The following EPB41 variants were observed in gnomAD, a reference collection of about 807,000 sequenced individuals.
EPB41 encodes protein 4.1.
Under a neutral mutation model 108.0 loss-of-function variants are expected in EPB41, and 65 were observed. The observed-to-expected ratio is 0.60, with a 90% CI of 0.49 to 0.74. The LOEUF (loss-of-function observed/expected upper bound fraction) is 0.74. Among genes scored for constraint, EPB41 ranks in the 30% least tolerant of loss-of-function variants. The pLI, the probability that EPB41 is intolerant of heterozygous loss-of-function variation, is 0.00. For missense variants in EPB41, 875 were observed against 1,037.0 expected (o/e 0.84, Z 2.15); for synonymous variants, 336 against 358.9 (o/e 0.94, Z 0.72).
At chr1:29,088,293 C>T (rs548282732) in intron 16 of EPB41, among the ~76,000 whole-genome samples, 3 of 152,208 alleles carry the variant, frequency 2.0e-5, no homozygotes, top group South Asian at 2.1e-4. Flanking sequence ...GTGACCCACC[C>T]GCCTCGGCCT....
chr1:29,101,032 CT>C (rs1665175609), intron 17 of EPB41, among the ~76,000 whole-genome samples: 2 of 151,928 alleles, frequency 1.3e-5, no homozygotes, highest in African/African-American at 4.8e-5. Flanking sequence ...CAAGACCAGC[CT>C]GACCAACATG....
intron 7 of EPB41, among the ~76,000 whole-genome samples, chr1:29,025,361 TTC>T (rs1303457906): frequency 6.6e-6 from 1 of 151,988 alleles, no homozygotes; most frequent in Admixed American, 6.5e-5. Flanking sequence ...TTATTGTAAC[TTC>T]TCTTTTTAAT....
chr1:28,971,719 A>G (rs983562638), intron 1 of EPB41, among the ~76,000 whole-genome samples: 1 of 152,204 alleles, frequency 6.6e-6, no homozygotes, highest in African/African-American at 2.4e-5. Flanking sequence ...GAAAGAGCTA[A>G]TCATCACTAT....
intron 4 of EPB41, among the ~76,000 whole-genome samples, chr1:29,003,172 T>C (rs1173719385): frequency 6.6e-6 from 1 of 152,258 alleles, no homozygotes; most frequent in Non-Finnish European, 1.5e-5. Context: ...TCTCTAGAAG[T>C]ACACAGATAT....
chr1:28,992,301 AC>A (rs2096042942), intron 2 of EPB41, among the ~76,000 whole-genome samples: 1 of 152,196 alleles, frequency 6.6e-6, no homozygotes, highest in Non-Finnish European at 1.5e-5. Flanking sequence ...TCCAGCTGTT[AC>A]ACAAGGAAGT....
intron 1 of EPB41, among the ~76,000 whole-genome samples, chr1:28,915,481 C>G (rs1443442943): frequency 1.3e-5 from 2 of 151,982 alleles, no homozygotes; most frequent in African/African-American, 4.8e-5. Context: ...GGCCATTATT[C>G]CTGGGGAGGT....
chr1:29,062,326 T>C (rs968566148), intron 15 of EPB41, among the ~76,000 whole-genome samples: 2 of 152,214 alleles, frequency 1.3e-5, no homozygotes, highest in Non-Finnish European at 2.9e-5. Context: ...GTACCAATCA[T>C]ATATTTGTCA....
rs566131142 is a variant in EPB41, at chr1:28,928,817, A to C, written c.-8+14049A>C. Among the ~76,000 whole-genome samples the C allele has an allele frequency of 3.9e-5, 6 of 152,332 alleles. No individual in the cohort carries two copies. The South Asian group carries it at 1.2e-3, about 32-fold the overall frequency. ...TGTTAAAGGGGGTGTCCTTTGTAAC[A>C]TATAACATTAATTATAGAAGAACTA... On this transcript the variant is annotated intron_variant, in intron 1 of 20. Coordinates refer to ENST00000343067, the MANE Select transcript of EPB41 (RefSeq NM_001376013.1).
At chr1:28,914,287 G>C (rs1025775906), upstream of EPB41, among the ~76,000 whole-genome samples, 8 of 152,220 alleles carry the variant, frequency 5.3e-5, no homozygotes, top group Admixed American at 2.0e-4. Context: ...GGAACACCCC[G>C]GCTCCAGACC....
intron 11 of EPB41, among the ~76,000 whole-genome samples, chr1:29,051,088 G>GTTTT (rs71586885): frequency 5.8e-5 from 3 of 51,576 alleles, no homozygotes; most frequent in Non-Finnish European, 9.7e-5. Context: ...TTCTTTTTCT[G>GTTTT]TTTTTTTTTT....
intron 1 of EPB41, among the ~76,000 whole-genome samples, chr1:28,950,717 C>A (rs539425001): frequency 6.6e-6 from 1 of 152,312 alleles, no homozygotes; most frequent in East Asian, 1.9e-4. Flanking sequence ...TAACAAAAAT[C>A]CCCATATAAT....
intron 7 of EPB41, among the ~76,000 whole-genome samples, chr1:29,019,146 T>C (rs1186623487): frequency 1.3e-5 from 2 of 152,154 alleles, no homozygotes; most frequent in Non-Finnish European, 2.9e-5. Context: ...CTGACCACAA[T>C]GGCTCGCACC....
chr1:28,982,760 A>G (rs1399063681), intron 1 of EPB41, among the ~76,000 whole-genome samples: 2 of 152,148 alleles, frequency 1.3e-5, no homozygotes, highest in East Asian at 3.8e-4. Context: ...CATAACTTAT[A>G]CCTGTATGAC....
intron 7 of EPB41, among the ~76,000 whole-genome samples, chr1:29,022,372 T>TAAAAAAAAA (rs370103452): frequency 1.6e-4 from 18 of 111,394 alleles, no homozygotes; most frequent in Admixed American, 3.7e-4. Flanking sequence ...ATTGATATAA[T>TAAAAAAAAA]AAAAAAAAAA....
chr1:29,047,533 T>G (rs896573275), intron 11 of EPB41, among the ~76,000 whole-genome samples: 1 of 150,662 alleles, frequency 6.6e-6, no homozygotes, highest in East Asian at 2.0e-4. Context: ...GGATTATAGG[T>G]GTGAGTCATC....
At chr1:28,970,817 A>G (rs538622927) in intron 1 of EPB41, among the ~76,000 whole-genome samples, 12 of 152,300 alleles carry the variant, frequency 7.9e-5, no homozygotes, top group Admixed American at 5.2e-4. Flanking sequence ...GTTGTCCAGT[A>G]ATGTGAAGCA....
intron 9 of EPB41, 59 bp downstream of exon 9, chr1:29,033,304 A>G: frequency 1.9e-6 from 3 of 1,587,104 alleles, no homozygotes; most frequent in Non-Finnish European, 2.6e-6. Flanking sequence ...TGAAATATCT[A>G]CATTTCCATT....
chr1:28,987,614 C>T lies in EPB41; in HGVS notation c.177C>T (p.Asp59=), dbSNP rs1047918690. 2.5e-6 allele frequency: 4 copies of T among 1,614,222 alleles called. No homozygotes were observed. The highest frequency in any genetic ancestry group is 3.4e-6 in the Non-Finnish European group (4 of 1,180,046). ...AGAAGCTGAAAGCTTCTAATGGAGA[C>T]ACTCCTACACATGAAGACTTGACCA... The part of the protein sequence containing the change: ...CEQKLKASNG[D]TPTHEDLTKN... Residue 59 remains aspartate (D), a synonymous_variant, in exon 2 of 21, where the codon GAC becomes GAT. Transcript: ENST00000343067.
In EPB41 at chr1:29,110,402, T is replaced by C. The variant is rs1034769347; in HGVS notation, c.2415+965T>C. Among the ~76,000 whole-genome samples, 9 of 152,286 alleles carry C rather than the reference T, an allele frequency of 5.9e-5. No homozygotes were observed. In the East Asian group the frequency reaches 1.7e-3, roughly 29 times the overall value. ...TCAGCTTCAGGGAAATTATTTTTGG[T>C]ATTTTTATACAACCATATTTTCCAA... On this transcript the variant is annotated intron_variant, in intron 18 of 20. Coordinates refer to ENST00000343067, the MANE Select transcript of EPB41 (RefSeq NM_001376013.1).
Sources: allele counts gnomAD v4.1 joint callset (sites outside exome capture counted in the v4.1 genomes callset), GRCh38; gene constraint gnomAD v4.1.1; transcripts MANE v1.5; gene names NCBI Gene and HGNC (gene_info 2026-07-23, HGNC 2026-07-21).